The following SGPP2 variants were observed in gnomAD, a reference collection of about 807,000 sequenced individuals.
SGPP2 encodes the protein sphingosine 1-phosphate phosphohydrolase 2.
SGPP2 carries 30 observed loss-of-function variants against 33.9 expected under a neutral mutation model. The observed-to-expected ratio is 0.89, with a 90% confidence interval of 0.66 to 1.20. The LOEUF (loss-of-function observed/expected upper bound fraction) is 1.20, where lower values mean the gene tolerates loss of function less well. Ranked by LOEUF, SGPP2 falls within the 50% of genes most tolerant of loss-of-function variation. The pLI is 0.00. For synonymous variants in SGPP2, 233 were observed against 225.0 expected (o/e 1.04, Z -0.32); for missense variants, 458 against 532.1 (o/e 0.86, Z 1.37).
At chr2:222,468,005 A>G (rs982172924) in intron 1 of SGPP2, among the ~76,000 whole-genome samples, 1 of 149,648 alleles carries the variant, frequency 6.7e-6, no homozygotes, top group African/African-American at 2.5e-5. Flanking sequence ...AAGTAATACA[A>G]CCTTGCAATG....
Position 222,550,502 on chromosome 2 carries a change from A to G in SGPP2, c.649-7845A>G, listed in dbSNP as rs1397225997. Among the ~76,000 whole-genome samples the G allele has an allele frequency of 2.6e-5, 4 of 152,204 alleles. No homozygotes were observed. Among genetic ancestry groups the G allele is most frequent in the Non-Finnish European group, 5.9e-5 (4 of 68,026 alleles). On this transcript the variant is annotated intron_variant, in intron 4 of 4. Transcript: ENST00000321276. This position sits in a 1 kb window ranked among gnomAD's most constrained non-coding sequence, Gnocchi z 4.5. ...TTTATTTCCTTCTGACATTTTATCC[A>G]TGCTTACAAGTATATATTTATATAA...
intron 4 of SGPP2, among the ~76,000 whole-genome samples, chr2:222,557,255 G>A (rs1393447768): frequency 6.6e-6 from 1 of 152,224 alleles, no homozygotes; most frequent in Non-Finnish European, 1.5e-5. Flanking sequence ...TGGGGATGGT[G>A]TATGTTTGGT....
At chr2:222,545,406 T>C (rs910346947) in intron 4 of SGPP2, among the ~76,000 whole-genome samples, 7 of 151,946 alleles carry the variant, frequency 4.6e-5, no homozygotes, top group African/African-American at 1.7e-4. Flanking sequence ...CTCAGGCTCC[T>C]GAGTAGCTGG....
At chr2:222,533,942 T>C (rs1270929168) in intron 4 of SGPP2, among the ~76,000 whole-genome samples, 1 of 152,148 alleles carries the variant, frequency 6.6e-6, no homozygotes, top group Non-Finnish European at 1.5e-5. Context: ...CAGCCAGGTC[T>C]GGAGCCAACC....
Position 222,554,059 on chromosome 2 carries a change from T to C in SGPP2, c.649-4288T>C, listed in dbSNP as rs569620305. ...GTGGAAGTTGAAAGGCAGATACTGTTTGGAAGAGGAGAGACTGAATTTTAT... is the reference window on the plus strand; with the variant it reads ...GTGGAAGTTGAAAGGCAGATACTGTCTGGAAGAGGAGAGACTGAATTTTAT... On this transcript the variant is annotated intron_variant, in intron 4 of 4. Transcript: ENST00000321276. Among the ~76,000 whole-genome samples, 5 of 152,300 alleles carry C rather than the reference T, an allele frequency of 3.3e-5. No individual in the cohort carries two copies. In the South Asian group the frequency reaches 1.0e-3, roughly 32 times the overall value.
Position 222,551,625 on chromosome 2 carries a change from A to G in SGPP2, c.649-6722A>G, listed in dbSNP as rs150033505. ...AATACCTACATGTCTTTATTACAAT[A>G]TCACCTTTATGGCTGAAAATCTCAC... On this transcript the variant is annotated intron_variant, in intron 4 of 4. Transcript: ENST00000321276. 7.5e-3 allele frequency among the ~76,000 whole-genome samples: 1,146 copies of G among 152,330 alleles called. 14 individuals are homozygous for G. The highest frequency in any genetic ancestry group is 0.027 in the African/African-American group (1,108 of 41,576).
chr2:222,455,989 G>A (rs1697567813), intron 1 of SGPP2, among the ~76,000 whole-genome samples: 4 of 151,978 alleles, frequency 2.6e-5, no homozygotes, highest in Admixed American at 2.0e-4. Flanking sequence ...TAAGGTGGGA[G>A]GATTGCTTGA....
At chr2:222,502,921 T>C (rs1022734753) in intron 2 of SGPP2, among the ~76,000 whole-genome samples, 1 of 152,238 alleles carries the variant, frequency 6.6e-6, no homozygotes, top group African/African-American at 2.4e-5. Flanking sequence ...AGAGTTGCAT[T>C]GCCTTTTAAA....
At chr2:222,521,029 G>A (rs1216312401) in intron 2 of SGPP2, among the ~76,000 whole-genome samples, 2 of 152,108 alleles carry the variant, frequency 1.3e-5, no homozygotes, top group Non-Finnish European at 2.9e-5. Flanking sequence ...CAAAGTGTTG[G>A]GATTATAGGC....
Position 222,440,648 on chromosome 2 carries a change from A to G in SGPP2, c.219+15827A>G, listed in dbSNP as rs543310853. ...GAGCCACCACGCCTGGCTGTTTTTT[A>G]TGTTTTAAAATACTGTTTTTTTAAC... is the stretch of plus-strand genomic sequence containing the variant. On this transcript the variant is annotated intron_variant, in intron 1 of 4. Coordinates refer to ENST00000321276, the MANE Select transcript of SGPP2 (RefSeq NM_152386.4). Among the ~76,000 whole-genome samples, 3 of 151,896 alleles carry G rather than the reference A, an allele frequency of 2.0e-5. No individual in the cohort carries two copies. In the East Asian group the frequency reaches 5.8e-4, roughly 29 times the overall value.
In SGPP2 at chr2:222,461,957, C is replaced by T. The variant is rs574071005; in HGVS notation, c.220-12611C>T. 4.6e-5 allele frequency among the ~76,000 whole-genome samples: 7 copies of T among 152,264 alleles called. No individual in the cohort carries two copies. In the East Asian group the frequency reaches 1.2e-3, roughly 25 times the overall value. On this transcript the variant is annotated intron_variant, in intron 1 of 4. Transcript: ENST00000321276. ...GACTTCCAAAGTATAGAGAACTTGG[C>T]TTTACCTGTGTGAAATGGGTTAGGG...
At chr2:222,440,173 T>C (rs1165325232) in intron 1 of SGPP2, among the ~76,000 whole-genome samples, 1 of 152,244 alleles carries the variant, frequency 6.6e-6, no homozygotes, top group Non-Finnish European at 1.5e-5. Flanking sequence ...GAGCCTGCTG[T>C]GCTGCTGTTT....
intron 4 of SGPP2, among the ~76,000 whole-genome samples, chr2:222,554,656 T>C (rs1305632271): frequency 6.6e-6 from 1 of 152,076 alleles, no homozygotes; most frequent in Non-Finnish European, 1.5e-5. Context: ...ACGTTAAACC[T>C]CCGCATCTCT....
rs1698738314 is a variant in SGPP2, at chr2:222,525,046, G to T, written c.648+13G>T. The T allele has an allele frequency of 6.2e-7, 1 of 1,607,180 alleles. No homozygotes were observed. ...GCATACGGTCCTGGTAAGGCTTTGT[G>T]GTCAGGTCTTGTGGTGATTGTTTGA... On this transcript the variant is annotated intron_variant, in intron 4 of 4. Transcript: ENST00000321276.
Position 222,562,337 on chromosome 2 carries a change from G to T in SGPP2, c.*3439G>T, listed in dbSNP as rs1689558151. Among the ~76,000 whole-genome samples, 1 of 152,178 alleles carries T rather than the reference G, an allele frequency of 6.6e-6. No homozygotes were observed. Among genetic ancestry groups the T allele is most frequent in the African/African-American group, 2.4e-5 (1 of 41,452 alleles). On this transcript the variant is annotated 3_prime_UTR_variant, in exon 5 of 5. Coordinates refer to ENST00000321276, the MANE Select transcript of SGPP2 (RefSeq NM_152386.4). ...CTGCACCGTCACAAGATATTCAGAA[G>T]ATGAAAACGTAGAAGACACCCCTGA...
intron 4 of SGPP2, among the ~76,000 whole-genome samples, chr2:222,539,587 G>A (rs566769536): frequency 1.3e-5 from 2 of 152,282 alleles, no homozygotes; most frequent in South Asian, 2.1e-4. Flanking sequence ...AGCTGCCTTG[G>A]TTGCCTCTAG....
At chr2:222,424,896 C>CGCGGGGCCG in intron 1 of SGPP2, 75 bp downstream of exon 1, 2 of 1,181,056 alleles carry the variant, frequency 1.7e-6, no homozygotes, top group Middle Eastern at 6.5e-4. Flanking sequence ...GACTCCGCCA[C>CGCGGGGCCG]GCGGGGCCGG....
chr2:222,519,503 G>A (rs1698651592), intron 2 of SGPP2, among the ~76,000 whole-genome samples: 1 of 152,190 alleles, frequency 6.6e-6, no homozygotes, highest in Admixed American at 6.6e-5. Flanking sequence ...AAGTAAACAA[G>A]TCTGTTGTTA....
In SGPP2 at chr2:222,558,792, G is replaced by A. The variant is rs151021147; in HGVS notation, c.1094G>A (p.Arg365Gln). The A allele has an allele frequency of 2.7e-4, 437 of 1,614,000 alleles. No homozygotes were observed. The highest frequency in any genetic ancestry group is 3.4e-4 in the Non-Finnish European group (406 of 1,180,046). The change falls in exon 5 of 5, where the codon CGG (arginine) becomes CAG (glutamine). Residue 365 changes from arginine to glutamine, a missense_variant. Physicochemically the swap from Arg to Gln is conservative, Grantham distance 43. Transcript: ENST00000321276. ...KVVTRNKEAR[R>Q]RLEIEVPYKF... ...GTCACCAGGAACAAGGAGGCCAGGC[G>A]GAGACTGGAGATTGAAGTGCCTTAC... is the stretch of plus-strand genomic sequence containing the variant.
Sources: allele counts gnomAD v4.1 joint callset (sites outside exome capture counted in the v4.1 genomes callset), GRCh38; gene constraint gnomAD v4.1.1; non-coding constraint Gnocchi (gnomAD v3.1); transcripts MANE v1.5; gene names NCBI Gene and HGNC (gene_info 2026-07-23, HGNC 2026-07-21).